The following UTRN variants were observed in gnomAD, a reference collection of about 807,000 sequenced individuals.
UTRN encodes the protein dystrophin-related protein 1.
Under a neutral mutation model 463.9 loss-of-function variants are expected in UTRN, and 283 were observed. The ratio of observed to expected loss-of-function variants is 0.61; its 90% CI spans 0.55 to 0.67. The LOEUF is 0.67. Ranked by LOEUF, UTRN falls within the 30% of genes least tolerant of loss-of-function variation. The pLI is 0.00. For synonymous variants in UTRN, 1,442 were observed against 1,431.5 expected (o/e 1.01, Z -0.17); for missense variants, 3,922 against 4,084.3 (o/e 0.96, Z 1.08).
intron 3 of UTRN, among the ~76,000 whole-genome samples, chr6:144,416,516 C>G (rs939534455): frequency 5.9e-5 from 9 of 152,118 alleles, no homozygotes; most frequent in African/African-American, 1.9e-4. Context: ...CTGGCTTCTC[C>G]CCTTGCATTG....
At chr6:144,489,058 T>G (rs750937456) in intron 30 of UTRN, among the ~76,000 whole-genome samples, 17 of 151,874 alleles carry the variant, frequency 1.1e-4, no homozygotes, top group Non-Finnish European at 2.2e-4. Context: ...TTTATTTTAT[T>G]TATTTATTTG....
intron 53 of UTRN, among the ~76,000 whole-genome samples, chr6:144,701,594 A>G (rs958753666): frequency 3.3e-5 from 5 of 152,128 alleles, no homozygotes; most frequent in Admixed American, 6.5e-5. Flanking sequence ...ATTTTCTTGT[A>G]TATACATATC....
At chr6:144,622,818 T>C (rs1775570101) in intron 51 of UTRN, among the ~76,000 whole-genome samples, 1 of 152,216 alleles carries the variant, frequency 6.6e-6, no homozygotes, top group African/African-American at 2.4e-5. Context: ...CCCATCTGCA[T>C]TGGAAAGTGA....
At chr6:144,303,999 T>C (rs571291611) in intron 2 of UTRN, among the ~76,000 whole-genome samples, 1 of 152,318 alleles carries the variant, frequency 6.6e-6, no homozygotes, top group African/African-American at 2.4e-5. Context: ...AATTCTTAAG[T>C]GGTAGAAGGG....
chr6:144,418,626 C>T (rs546048425), intron 3 of UTRN, among the ~76,000 whole-genome samples: 64 of 151,868 alleles, frequency 4.2e-4, no homozygotes, highest in African/African-American at 1.5e-3. Flanking sequence ...AGTGCAGTGG[C>T]ATGCAGTCTC....
intron 66 of UTRN, among the ~76,000 whole-genome samples, chr6:144,826,158 G>GAAAA (rs1368387121): frequency 6.8e-5 from 8 of 117,934 alleles, no homozygotes; most frequent in Non-Finnish European, 1.4e-4. Flanking sequence ...AATAATAAAA[G>GAAAA]AAAAAATAAA....
chr6:144,737,249 G>C (rs1352421754), intron 54 of UTRN, among the ~76,000 whole-genome samples: 2 of 152,164 alleles, frequency 1.3e-5, no homozygotes, highest in African/African-American at 4.8e-5. Context: ...AACTTCTGCT[G>C]TAGACACTGG....
At chr6:144,817,809 A>G (rs1779214978) in intron 65 of UTRN, among the ~76,000 whole-genome samples, 1 of 152,020 alleles carries the variant, frequency 6.6e-6, no homozygotes, top group Admixed American at 6.6e-5. Context: ...TTAGATTACA[A>G]CTCTTTGTGC....
intron 52 of UTRN, among the ~76,000 whole-genome samples, chr6:144,689,285 G>A (rs1783078071): frequency 6.6e-6 from 1 of 152,202 alleles, no homozygotes. Context: ...AATGGTGGGT[G>A]AAGGAGAGAA....
chr6:144,648,992 TGGCAAAACAACCTGTAAACAAGCCAA>T (rs1331203595), intron 51 of UTRN, among the ~76,000 whole-genome samples: 5 of 152,150 alleles, frequency 3.3e-5, no homozygotes, highest in African/African-American at 1.2e-4. Context: ...GAAAGCACAT[TGGCAAAACAACCTGTAAACAAGCCAA>T]GGCAACATGT....
chr6:144,620,161 T>G (rs1775199881), intron 51 of UTRN, among the ~76,000 whole-genome samples: 1 of 152,162 alleles, frequency 6.6e-6, no homozygotes, highest in South Asian at 2.1e-4. Flanking sequence ...TTTAATGAGA[T>G]CATTGTGATG....
chr6:144,689,034 C>G (rs1783045238), intron 52 of UTRN, among the ~76,000 whole-genome samples: 1 of 152,126 alleles, frequency 6.6e-6, no homozygotes, highest in Admixed American at 6.5e-5. Flanking sequence ...CAGGAAAGCC[C>G]CACTACCCAG....
chr6:144,809,506 G>C (rs977466985), intron 65 of UTRN, among the ~76,000 whole-genome samples: 3 of 152,104 alleles, frequency 2.0e-5, no homozygotes, highest in African/African-American at 7.2e-5. Context: ...AAGATGATGG[G>C]GAAAGAAGAG....
intron 69 of UTRN, among the ~76,000 whole-genome samples, chr6:144,831,363 C>T (rs980835925): frequency 2.0e-5 from 3 of 152,076 alleles, no homozygotes; most frequent in African/African-American, 4.8e-5. Context: ...GAGAAGGAGA[C>T]GTAGCAATGG....
chr6:144,550,700 TTTA>T (rs777687525), intron 47 of UTRN, among the ~76,000 whole-genome samples: 2 of 152,194 alleles, frequency 1.3e-5, no homozygotes, highest in African/African-American at 2.4e-5. Flanking sequence ...CTGTCAGTAT[TTTA>T]TTATTTCTTT....
intron 2 of UTRN, among the ~76,000 whole-genome samples, chr6:144,307,920 C>CA (rs1421927080): frequency 1.3e-5 from 2 of 151,644 alleles, no homozygotes; most frequent in Admixed American, 1.3e-4. Context: ...ATTTCTTTGT[C>CA]AAAGTGTAGA....
rs568950410 is a variant in UTRN at position 144,772,209 on chromosome 6, A to G, written c.8557+241A>G. 4.0e-5 allele frequency among the ~76,000 whole-genome samples: 6 copies of G among 150,614 alleles called. 1 individual carries two copies. Among genetic ancestry groups the G allele is most frequent in the Non-Finnish European group, 1.5e-5 (1 of 67,484 alleles). ...CCGCCACTCCCAGCTAATTTTTCGT[A>G]TTTTAATAGAGACAGGGTTTTACTG... On this transcript the variant is annotated intron_variant, in intron 59 of 74. Transcript: ENST00000367545.
Position 144,577,121 on chromosome 6 carries a change from T to C in UTRN, c.7312T>C (p.Leu2438=). Residue 2438 remains leucine (L), a synonymous_variant, in exon 51 of 75, where the codon TTG becomes CTG. Coordinates refer to ENST00000367545, the MANE Select transcript of UTRN (RefSeq NM_007124.3). ...KQSIADRQNA[L]EAEWRTVQAS... is the part of the protein sequence containing the mutation. The stretch of plus-strand genomic sequence containing the variant: ...CAGTATTGCTGACAGACAGAACGCC[T>C]TGGAGGCTGAGTGGAGGACGGTGCA... 1 of 1,613,756 alleles carries C rather than the reference T, an allele frequency of 6.2e-7. No homozygotes were observed. The highest frequency in any genetic ancestry group is 8.5e-7 in the Non-Finnish European group (1 of 1,179,796).
At chr6:144,827,561 C>G in intron 67 of UTRN, 50 bp from the exon 68 acceptor site, 2 of 1,607,830 alleles carry the variant, frequency 1.2e-6, no homozygotes, top group Non-Finnish European at 8.5e-7. Flanking sequence ...AATAGTAACA[C>G]CTATCAATAT....
Sources: gnomAD v4.1 joint callset for allele counts (sites outside exome capture counted in the v4.1 genomes callset) on GRCh38, gnomAD v4.1.1 for gene constraint, MANE v1.5 for transcripts, NCBI Gene and HGNC (gene_info 2026-07-23, HGNC 2026-07-21) for gene names.